Variants in MTA3 observed in about 807,000 individuals in gnomAD.
MTA3 encodes metastasis associated 1 family member 3.
A neutral mutation model predicts 83.5 loss-of-function variants in MTA3; 34 were observed. That is an observed-to-expected ratio of 0.41 (90% CI 0.31 to 0.54). The LOEUF is 0.54. MTA3 is among the 20% of genes least tolerant of loss of function. MTA3 has a pLI of 0.33. For synonymous variants in MTA3, 303 were observed against 252.7 expected (o/e 1.20, Z -1.89); for missense variants, 761 against 726.4 (o/e 1.05, Z -0.55).
At chr2:42,638,039 C>G (rs1687350219) in intron 4 of MTA3, among the ~76,000 whole-genome samples, 1 of 151,986 alleles carries the variant, frequency 6.6e-6, no homozygotes, top group Non-Finnish European at 1.5e-5. Flanking sequence ...TTTCAGTTGA[C>G]TAGCCTTAAA....
intron 3 of MTA3, among the ~76,000 whole-genome samples, chr2:42,592,803 G>A (rs1037014533): frequency 1.3e-5 from 2 of 152,050 alleles, no homozygotes; most frequent in Non-Finnish European, 2.9e-5. Flanking sequence ...GGACCTGTCT[G>A]GGGCTGTTTT....
chr2:42,517,063 C>T (rs1241038451), intron 2 of MTA3, among the ~76,000 whole-genome samples: 2 of 151,892 alleles, frequency 1.3e-5, no homozygotes, highest in Non-Finnish European at 2.9e-5. Context: ...AGTTTGAGAC[C>T]AGCCTGACCA....
chr2:42,625,938 T>G (rs2104222962), intron 4 of MTA3, among the ~76,000 whole-genome samples: 1 of 149,132 alleles, frequency 6.7e-6, no homozygotes, highest in South Asian at 2.1e-4. Flanking sequence ...AGTTATCCTT[T>G]TTTTTTTCTT....
At chr2:42,574,182 T>G (rs1039554627) in intron 2 of MTA3, among the ~76,000 whole-genome samples, 1 of 145,628 alleles carries the variant, frequency 6.9e-6, no homozygotes, top group East Asian at 2.0e-4. Flanking sequence ...TTGCCCAGGC[T>G]GGAGTACAAT....
intron 2 of MTA3, among the ~76,000 whole-genome samples, chr2:42,501,442 G>T (rs1344981684): frequency 6.6e-6 from 1 of 152,052 alleles, no homozygotes; most frequent in African/African-American, 2.4e-5. Context: ...CATATTTTGG[G>T]AGGCATATTC....
intron 4 of MTA3, among the ~76,000 whole-genome samples, chr2:42,632,969 A>G (rs892050421): frequency 3.3e-5 from 5 of 151,884 alleles, no homozygotes; most frequent in Non-Finnish European, 5.9e-5. Context: ...TCCTTTTTAA[A>G]AAAAAAAAAA....
rs1573866566 is a variant in MTA3, at chr2:42,754,692, G to T, written c.*1293G>T. 5 of 985,524 alleles carry T rather than the reference G, an allele frequency of 5.1e-6. No homozygotes were observed. Among genetic ancestry groups the T allele is most frequent in the Middle Eastern group, 5.2e-4 (1 of 1,914 alleles). The allele number at this position is 985,524 out of a possible 1,614,324, so 61.0% of individuals were successfully genotyped here. A position where few individuals can be genotyped will look rare whatever the true frequency, so the allele number is the denominator to read the frequency against. ...GTCTGATCTCCCAGCCATCTCTGGGGTTACTAGGAGGCAGCTGGATGGCAG... is the reference window on the plus strand; with the variant it reads ...GTCTGATCTCCCAGCCATCTCTGGGTTTACTAGGAGGCAGCTGGATGGCAG... On this transcript the variant is annotated 3_prime_UTR_variant, in exon 17 of 17. Coordinates refer to ENST00000405094, the MANE Select transcript of MTA3 (RefSeq NM_001330442.2).
chr2:42,595,475 A>G (rs1681686617), intron 3 of MTA3, among the ~76,000 whole-genome samples: 1 of 152,072 alleles, frequency 6.6e-6, no homozygotes, highest in Non-Finnish European at 1.5e-5. Context: ...TTCTTTGCCT[A>G]TTTTGAGTTT....
intron 14 of MTA3, among the ~76,000 whole-genome samples, chr2:42,717,655 C>T (rs761924347): frequency 2.6e-5 from 4 of 152,208 alleles, no homozygotes; most frequent in Non-Finnish European, 5.9e-5. Context: ...ACTCTGTTTG[C>T]ACACAGGTAG....
intron 4 of MTA3, among the ~76,000 whole-genome samples, chr2:42,632,431 C>G (rs965849319): frequency 6.6e-6 from 1 of 152,142 alleles, no homozygotes; most frequent in African/African-American, 2.4e-5. Flanking sequence ...CCCACAAGTA[C>G]TGTACTCCAT....
Position 42,742,671 on chromosome 2 carries a change from C to G in MTA3, c.1760-10703C>G, listed in dbSNP as rs1321756716. Among the ~76,000 whole-genome samples the G allele has an allele frequency of 7.2e-5, 11 of 152,288 alleles. No individual in the cohort carries two copies. The East Asian group carries it at 2.1e-3, about 29-fold the overall frequency. ...AATTATATCCTCTTCCCAGCATAGT[C>G]TCTGACTCATAGTAGGTATTTATCA... On this transcript the variant is annotated intron_variant, in intron 16 of 16. Transcript: ENST00000405094.
At chr2:42,509,234 G>T (rs746853018) in intron 2 of MTA3, among the ~76,000 whole-genome samples, 1 of 151,986 alleles carries the variant, frequency 6.6e-6, no homozygotes, top group Non-Finnish European at 1.5e-5. Flanking sequence ...GTAGAAACGG[G>T]GTTTCACCAT....
At chr2:42,585,863 A>G (rs1436280257) in intron 3 of MTA3, among the ~76,000 whole-genome samples, 2 of 152,152 alleles carry the variant, frequency 1.3e-5, no homozygotes, top group Non-Finnish European at 2.9e-5. Flanking sequence ...ACTTGAGTCC[A>G]GTATTTCAGG....
chr2:42,674,846 C>G (rs575122722), intron 8 of MTA3, among the ~76,000 whole-genome samples: 1 of 151,626 alleles, frequency 6.6e-6, no homozygotes, highest in African/African-American at 2.4e-5. Context: ...ATGATCTGCC[C>G]GCCTCGGCCT....
At chr2:42,745,364 T>C (rs1023837182) in intron 16 of MTA3, among the ~76,000 whole-genome samples, 9 of 152,114 alleles carry the variant, frequency 5.9e-5, no homozygotes, top group Non-Finnish European at 7.4e-5. Context: ...TTTGGGAAAA[T>C]AGGGCTGACC....
intron 7 of MTA3, among the ~76,000 whole-genome samples, chr2:42,658,845 C>T (rs962983519): frequency 1.0e-4 from 15 of 149,964 alleles, no homozygotes; most frequent in Admixed American, 1.3e-4. Context: ...GAGGCCGAGG[C>T]GGGAGGATCA....
Position 42,755,020 on chromosome 2 carries a change from G to A in MTA3, c.*1621G>A. The A allele has an allele frequency of 1.0e-6, 1 of 985,678 alleles. No homozygotes were observed. Among genetic ancestry groups the A allele is most frequent in the Non-Finnish European group, 1.2e-6 (1 of 830,170 alleles). The allele number at this position is 985,678 out of a possible 1,614,324, so 61.1% of individuals were successfully genotyped here. Reference sequence around the variant, plus strand: ...GTGCTGGGTCTTGGCTTGGGGCGCTGAGGGTGGGGCCTGTGTCAGAAGCAT... The same window carrying A: ...GTGCTGGGTCTTGGCTTGGGGCGCTAAGGGTGGGGCCTGTGTCAGAAGCAT... On this transcript the variant is annotated 3_prime_UTR_variant, in exon 17 of 17. Coordinates refer to ENST00000405094, the MANE Select transcript of MTA3 (RefSeq NM_001330442.2).
chr2:42,674,045 G>C (rs1030525290), intron 8 of MTA3, among the ~76,000 whole-genome samples: 9 of 152,218 alleles, frequency 5.9e-5, no homozygotes, highest in Non-Finnish European at 1.0e-4. Flanking sequence ...ACTGGGCTCT[G>C]ATGTAGGTGC....
intron 2 of MTA3, among the ~76,000 whole-genome samples, chr2:42,574,953 C>T (rs1678887268): frequency 6.6e-6 from 1 of 152,164 alleles, no homozygotes; most frequent in African/African-American, 2.4e-5. Context: ...TGATTCTGAT[C>T]TTTTATGTTA....
Sources: gnomAD v4.1 joint callset for allele counts (sites outside exome capture counted in the v4.1 genomes callset) on GRCh38, gnomAD v4.1.1 for gene constraint, MANE v1.5 for transcripts, NCBI Gene and HGNC (gene_info 2026-07-23, HGNC 2026-07-21) for gene names.